The following SCAND3 variants were observed in gnomAD, a reference collection of about 807,000 sequenced individuals.
SCAND3 encodes SCAN domain containing 3.
the SCAND3 span, chr6:28,574,577 C>T: frequency 7.2e-7 from 1 of 1,386,360 alleles, no homozygotes; most frequent in Admixed American, 2.0e-5. Flanking sequence ...TCACACAACA[C>T]TTATTCACAG....
At chr6:28,609,493 A>G in the SCAND3 span, among the ~76,000 whole-genome samples, 1 of 152,214 alleles carries the variant, frequency 6.6e-6, no homozygotes, top group South Asian at 2.1e-4. Context: ...TTGATGAGGG[A>G]AAGATTTTTC....
chr6:28,602,476 G>A, the SCAND3 span, among the ~76,000 whole-genome samples: 927 of 152,330 alleles, frequency 6.1e-3, 14 homozygotes, highest in African/African-American at 0.02. Context: ...CCAAAGTGCT[G>A]GGATTACAGG....
chr6:28,586,792 CT>C, the SCAND3 span: 2 of 1,328,146 alleles, frequency 1.5e-6, no homozygotes, highest in South Asian at 1.4e-5. The surrounding 1 kb of genome is among the most constrained non-coding windows in gnomAD (Gnocchi z 4.4). Context: ...ACTTGAGCTC[CT>C]TTTTTGTTCT....
the SCAND3 span, chr6:28,586,548 T>C: frequency 1.9e-6 from 3 of 1,614,236 alleles, no homozygotes; most frequent in Non-Finnish European, 1.7e-6. The surrounding 1 kb of genome is among the most constrained non-coding windows in gnomAD (Gnocchi z 4.4). Context: ...ATAGCAGAAC[T>C]GCCTGAAGCG....
At chr6:28,599,063 A>G in the SCAND3 span, among the ~76,000 whole-genome samples, 3 of 152,224 alleles carry the variant, frequency 2.0e-5, no homozygotes, top group South Asian at 4.1e-4. Context: ...ACAGAAGAGA[A>G]AACAAAAAAG....
chr6:28,574,728 C>G, the SCAND3 span: 6 of 1,614,132 alleles, frequency 3.7e-6, no homozygotes, highest in African/African-American at 1.3e-5. Context: ...TTCTTTGAAT[C>G]TCATCATGTT....
the SCAND3 span, among the ~76,000 whole-genome samples, chr6:28,579,856 G>C: frequency 1.8e-4 from 28 of 152,038 alleles, 1 homozygote; most frequent in Admixed American, 1.5e-3. This position sits in a 1 kb window ranked among gnomAD's most constrained non-coding sequence, Gnocchi z 4.5. Flanking sequence ...AGAGCAGCCT[G>C]GCCAACATGG....
At chr6:28,588,153 G>A in the SCAND3 span, 1 of 152,204 alleles carries the variant, frequency 6.6e-6, no homozygotes, top group Non-Finnish European at 1.5e-5. This position sits in a 1 kb window ranked among gnomAD's most constrained non-coding sequence, Gnocchi z 4.1. Flanking sequence ...CTTAGAGTCC[G>A]TGAATGGTCT....
At chr6:28,578,623 T>C in the SCAND3 span, among the ~76,000 whole-genome samples, 1 of 152,124 alleles carries the variant, frequency 6.6e-6, no homozygotes, top group East Asian at 1.9e-4. Context: ...TAAATAAGAA[T>C]GAATTAGAAG....
At chr6:28,593,820 T>C in the SCAND3 span, among the ~76,000 whole-genome samples, 1 of 152,190 alleles carries the variant, frequency 6.6e-6, no homozygotes, top group Non-Finnish European at 1.5e-5. Flanking sequence ...TCCCCTTGCC[T>C]CGGCTTCCCA....
At chr6:28,586,815 GT>G in the SCAND3 span, 1 of 1,051,814 alleles carries the variant, frequency 9.5e-7, no homozygotes. The surrounding 1 kb of genome is among the most constrained non-coding windows in gnomAD (Gnocchi z 4.4). Flanking sequence ...GGTCAGGAAA[GT>G]TTTTGATATA....
the SCAND3 span, among the ~76,000 whole-genome samples, chr6:28,581,134 C>T: frequency 4.0e-5 from 6 of 151,804 alleles, no homozygotes; most frequent in Non-Finnish European, 8.8e-5. Context: ...CTCAGGAATT[C>T]GAGACCAGCC....
At chr6:28,597,169 C>T in the SCAND3 span, among the ~76,000 whole-genome samples, 1 of 152,148 alleles carries the variant, frequency 6.6e-6, no homozygotes, top group Non-Finnish European at 1.5e-5. Flanking sequence ...GAAGAATTGT[C>T]CCTGAGATTT....
At chr6:28,591,452 C>G in the SCAND3 span, 1 of 152,182 alleles carries the variant, frequency 6.6e-6, no homozygotes, top group Non-Finnish European at 1.5e-5. Context: ...TCAACTAGGT[C>G]CCATCCTTGG....
At chr6:28,607,535 C>CT in the SCAND3 span, among the ~76,000 whole-genome samples, 75 of 139,426 alleles carry the variant, frequency 5.4e-4, no homozygotes, top group Non-Finnish European at 9.5e-4. Context: ...TTTTTCTTTT[C>CT]TTTTTTGAAT....
chr6:28,586,735 C>G, the SCAND3 span: 1 of 1,601,514 alleles, frequency 6.2e-7, no homozygotes, highest in Non-Finnish European at 8.5e-7. The surrounding 1 kb of genome is among the most constrained non-coding windows in gnomAD (Gnocchi z 4.4). Flanking sequence ...TTAGACAGCT[C>G]AGGCAAAGGT....
At chr6:28,586,720 C>G in the SCAND3 span, 1 of 1,607,894 alleles carries the variant, frequency 6.2e-7, no homozygotes, top group Non-Finnish European at 8.5e-7. This position sits in a 1 kb window ranked among gnomAD's most constrained non-coding sequence, Gnocchi z 4.4. Flanking sequence ...GCTTCCATCC[C>G]GAGCTTAGAC....
At chr6:28,596,376 G>C in the SCAND3 span, among the ~76,000 whole-genome samples, 3 of 151,764 alleles carry the variant, frequency 2.0e-5, no homozygotes, top group Non-Finnish European at 4.4e-5. Context: ...GATATTCATA[G>C]TATGTTGTCA....
At chr6:28,608,371 T>C in the SCAND3 span, among the ~76,000 whole-genome samples, 1 of 152,128 alleles carries the variant, frequency 6.6e-6, no homozygotes, top group East Asian at 1.9e-4. Context: ...CCACCTTTAC[T>C]CTTGTCTCTT....
Sources: allele counts gnomAD v4.1 joint callset (sites outside exome capture counted in the v4.1 genomes callset), GRCh38; gene constraint gnomAD v4.1.1; non-coding constraint Gnocchi (gnomAD v3.1); transcripts MANE v1.5; gene names NCBI Gene and HGNC (gene_info 2026-07-23, HGNC 2026-07-21).